Variants in BIRC6 observed in about 807,000 individuals in gnomAD.
BIRC6 encodes dual E2 ubiquitin-conjugating enzyme/E3 ubiquitin-protein ligase BIRC6.
BIRC6 carries 98 observed loss-of-function variants against 503.3 expected under a neutral mutation model. The observed-to-expected ratio is 0.19, with a 90% CI of 0.17 to 0.23. The LOEUF (loss-of-function observed/expected upper bound fraction) is 0.23. BIRC6 is among the 10% of genes least tolerant of loss of function. BIRC6 has a pLI of 1.00. For missense variants in BIRC6, 5,360 were observed against 5,806.0 expected, an observed-to-expected ratio of 0.92 and a Z score of 2.50; for synonymous variants, 2,240 against 2,078.7, an observed-to-expected ratio of 1.08 and a Z score of -2.11.
intron 53 of BIRC6, 37 bp downstream of exon 53, chr2:32,510,671 T>G (rs1462893695): frequency 7.7e-7 from 1 of 1,303,464 alleles, no homozygotes; most frequent in East Asian, 2.3e-5. Flanking sequence ...AGCACACACA[T>G]GCACATAATC....
intron 17 of BIRC6, among the ~76,000 whole-genome samples, chr2:32,441,751 G>A (rs934666251): frequency 2.6e-5 from 4 of 152,132 alleles, no homozygotes; most frequent in South Asian, 4.1e-4. Context: ...TACTCAAGAC[G>A]TGGGGGTAGG....
intron 65 of BIRC6, among the ~76,000 whole-genome samples, chr2:32,559,446 C>G (rs1229765740): frequency 6.6e-6 from 1 of 152,102 alleles, no homozygotes; most frequent in Non-Finnish European, 1.5e-5. Flanking sequence ...TGTAAAGGAG[C>G]TAAATTTGAA....
At chr2:32,512,253 C>T (rs2054526647) in intron 53 of BIRC6, among the ~76,000 whole-genome samples, 1 of 152,082 alleles carries the variant, frequency 6.6e-6, no homozygotes, top group Non-Finnish European at 1.5e-5. Context: ...AGCCAAGAAT[C>T]TTATATTCTG....
intron 1 of BIRC6, among the ~76,000 whole-genome samples, chr2:32,362,967 T>G (rs2034350025): frequency 6.6e-6 from 1 of 152,200 alleles, no homozygotes; most frequent in Non-Finnish European, 1.5e-5. Context: ...ATGTAAAGTG[T>G]TTGCAGCAGT....
chr2:32,534,202 C>T (rs947562849), intron 61 of BIRC6, among the ~76,000 whole-genome samples: 1 of 150,638 alleles, frequency 6.6e-6, no homozygotes, highest in Non-Finnish European at 1.5e-5. Context: ...GGTGAAACCC[C>T]GTCTCTACTA....
chr2:32,550,759 T>A (rs964157566), intron 65 of BIRC6, among the ~76,000 whole-genome samples: 2 of 152,154 alleles, frequency 1.3e-5, no homozygotes, highest in Non-Finnish European at 1.5e-5. Flanking sequence ...AAAAAGGAAA[T>A]CCAGGATTAT....
intron 66 of BIRC6, among the ~76,000 whole-genome samples, chr2:32,576,647 G>C (rs781468860): frequency 4.8e-5 from 5 of 105,200 alleles, no homozygotes; most frequent in South Asian, 3.0e-4. Flanking sequence ...ATAGAGAATT[G>C]GTCACTGGAA....
At chr2:32,613,556 T>C (rs2063028436) in intron 73 of BIRC6, among the ~76,000 whole-genome samples, 1 of 152,008 alleles carries the variant, frequency 6.6e-6, no homozygotes, top group Non-Finnish European at 1.5e-5. Context: ...AATTTTTGCA[T>C]TTTTAGTAGA....
At chr2:32,434,634 G>T (rs1487807468) in intron 13 of BIRC6, among the ~76,000 whole-genome samples, 2 of 152,200 alleles carry the variant, frequency 1.3e-5, no homozygotes, top group African/African-American at 4.8e-5. Context: ...GATCACTTTA[G>T]CCCAGGAATT....
At chr2:32,358,760 T>G (rs1321269441) in intron 1 of BIRC6, among the ~76,000 whole-genome samples, 1 of 152,232 alleles carries the variant, frequency 6.6e-6, no homozygotes, top group Non-Finnish European at 1.5e-5. Flanking sequence ...AGAATTGGAT[T>G]ATGTATAGTT....
chr2:32,515,813 TAAG>T (rs773951143), intron 55 of BIRC6, 43 bp downstream of exon 55: 242 of 1,514,982 alleles, frequency 1.6e-4, no homozygotes, highest in Non-Finnish European at 2.0e-4. Context: ...TTTTATTACA[TAAG>T]AAAGGGCCAT....
chr2:32,369,518 C>T (rs1039502254), intron 1 of BIRC6, among the ~76,000 whole-genome samples: 3 of 146,484 alleles, frequency 2.0e-5, no homozygotes, highest in African/African-American at 7.6e-5. Context: ...CCCTCCGCCT[C>T]CCGGGTTCAA....
At chr2:32,448,523 C>T (rs1202206648) in intron 21 of BIRC6, among the ~76,000 whole-genome samples, 1 of 152,058 alleles carries the variant, frequency 6.6e-6, no homozygotes, top group African/African-American at 2.4e-5. Context: ...TGGCGACGCG[C>T]GCCTGCAATG....
chr2:32,360,268 T>C (rs757372448), intron 1 of BIRC6, among the ~76,000 whole-genome samples: 4 of 152,206 alleles, frequency 2.6e-5, no homozygotes, highest in Non-Finnish European at 4.4e-5. Context: ...TATGTATATG[T>C]ATTGAGTGGC....
chr2:32,459,130 C>T (rs1047301128), intron 23 of BIRC6, among the ~76,000 whole-genome samples: 2 of 151,872 alleles, frequency 1.3e-5, no homozygotes, highest in Non-Finnish European at 2.9e-5. Context: ...CAGTTATCAC[C>T]ACTATCTAAT....
chr2:32,581,455 A>G (rs1029723411), intron 66 of BIRC6, among the ~76,000 whole-genome samples: 5 of 152,190 alleles, frequency 3.3e-5, no homozygotes, highest in African/African-American at 7.2e-5. Flanking sequence ...TATACCACCT[A>G]TGCTACTGTT....
rs752552592 is a variant in BIRC6, at chr2:32,553,674, A to G, written c.13144+4193A>G. Among the ~76,000 whole-genome samples, 48 of 152,210 alleles carry G rather than the reference A, an allele frequency of 3.2e-4. 1 individual carries two copies. Among genetic ancestry groups the G allele is most frequent in the South Asian group, 2.3e-3 (11 of 4,824 alleles). On this transcript the variant is annotated intron_variant, in intron 65 of 73. Transcript: ENST00000421745. ...CAAAGTGGTGGGATTACAGACAGGC[A>G]TGAGCCACAACCCAGCCTGTAAATG... is the stretch of plus-strand genomic sequence containing the variant.
At chr2:32,496,141 AT>A (rs2052442022) in intron 45 of BIRC6, among the ~76,000 whole-genome samples, 1 of 152,018 alleles carries the variant, frequency 6.6e-6, no homozygotes, top group Non-Finnish European at 1.5e-5. Context: ...TTCGTAGACC[AT>A]TTTTTGAAAA....
At chr2:32,424,350 G>C (rs2043246622) in intron 10 of BIRC6, among the ~76,000 whole-genome samples, 1 of 151,994 alleles carries the variant, frequency 6.6e-6, no homozygotes, top group African/African-American at 2.4e-5. Context: ...ACTACTGTAA[G>C]GGGTGACTAT....
Sources: allele counts gnomAD v4.1 joint callset (sites outside exome capture counted in the v4.1 genomes callset), GRCh38; gene constraint gnomAD v4.1.1; transcripts MANE v1.5; gene names NCBI Gene and HGNC (gene_info 2026-07-23, HGNC 2026-07-21).